The following CBLB variants were observed in gnomAD, a reference collection of about 807,000 sequenced individuals.
The protein encoded by CBLB is Cbl proto-oncogene B, also known as E3 ubiquitin-protein ligase CBL-B.
A neutral mutation model predicts 104.9 loss-of-function variants in CBLB; 31 were observed. The ratio of observed to expected loss-of-function variants is 0.30; its 90% CI spans 0.22 to 0.40. The LOEUF is 0.40. Ranked by LOEUF, CBLB falls within the 10% of genes least tolerant of loss-of-function variation. The pLI is 1.00. For missense variants in CBLB, 1,062 were observed against 1,214.6 expected (o/e 0.87, Z 1.87); for synonymous variants, 440 against 422.6 (o/e 1.04, Z -0.51).
intron 9 of CBLB, among the ~76,000 whole-genome samples, chr3:105,729,994 G>A (rs2074134026): frequency 6.6e-6 from 1 of 152,048 alleles, no homozygotes; most frequent in Non-Finnish European, 1.5e-5. Flanking sequence ...AAGTAGAAAT[G>A]TTCAAAAGTT....
At chr3:105,673,564 T>C (rs952253541) in intron 17 of CBLB, 4 of 152,186 alleles carry the variant, frequency 2.6e-5, no homozygotes, top group African/African-American at 4.8e-5. Flanking sequence ...CAGAAACTAA[T>C]GCTAAAAAAG....
At chr3:105,735,559 T>A (rs920784124) in intron 8 of CBLB, among the ~76,000 whole-genome samples, 1 of 152,192 alleles carries the variant, frequency 6.6e-6, no homozygotes, top group Non-Finnish European at 1.5e-5. Context: ...AATGGCTTTA[T>A]AAAGAGGAAC....
intron 18 of CBLB, among the ~76,000 whole-genome samples, chr3:105,660,952 T>C (rs1056694377): frequency 2.7e-5 from 4 of 146,092 alleles, no homozygotes; most frequent in Non-Finnish European, 6.0e-5. Flanking sequence ...CCACATCAAA[T>C]AGGATGTCTT....
At chr3:105,737,413 C>T (rs1447085623) in intron 7 of CBLB, among the ~76,000 whole-genome samples, 155 bp from the exon 8 acceptor site, 2 of 151,964 alleles carry the variant, frequency 1.3e-5, no homozygotes, top group Non-Finnish European at 1.5e-5. Flanking sequence ...TTCCAAATTA[C>T]TATGTTGTTT....
upstream of CBLB, chr3:105,869,216 T>C (rs1578060234): frequency 1.6e-6 from 1 of 640,468 alleles, no homozygotes; most frequent in Middle Eastern, 2.9e-4. Flanking sequence ...GAAGGCCCGC[T>C]CGCAGCACGT....
intron 18 of CBLB, among the ~76,000 whole-genome samples, chr3:105,665,890 A>G (rs1460503895): frequency 2.6e-5 from 4 of 151,642 alleles, no homozygotes; most frequent in East Asian, 3.9e-4. Flanking sequence ...TTAGCTGGGC[A>G]TGGTGGTGGG....
intron 3 of CBLB, among the ~76,000 whole-genome samples, chr3:105,847,613 C>T (rs1023162441): frequency 1.3e-5 from 2 of 151,674 alleles, no homozygotes; most frequent in African/African-American, 4.8e-5. Context: ...CCTCAGTTGA[C>T]TTTTTTTCCA....
Position 105,702,476 on chromosome 3 carries a change from G to GAAAAAAAAAAAAAAAAAAGAAA in CBLB, c.1594-18_1594-17insTTTCTTTTTTTTTTTTTTTTTT. 1 of 277,060 alleles carries GAAAAAAAAAAAAAAAAAAGAAA rather than the reference G, an allele frequency of 3.6e-6. No individual in the cohort carries two copies. Among genetic ancestry groups the GAAAAAAAAAAAAAAAAAAGAAA allele is most frequent in the Admixed American group, 8.6e-5 (1 of 11,668 alleles). 17.2% of individuals were successfully genotyped at this position (277,060 alleles called of 1,614,324 possible). A position where few individuals can be genotyped will look rare whatever the true frequency, so the allele number is the denominator to read the frequency against. On this transcript the variant is annotated splice_polypyrimidine_tract_variant and intron_variant, in intron 11 of 18. Coordinates refer to ENST00000394030, the MANE Select transcript of CBLB (RefSeq NM_170662.5). ...AGGAGAAGACTAAAGAAACAGAAGA[G>GAAAAAAAAAAAAAAAAAAGAAA]AAAAAAAAAAAAAAAAAAAAAAACT... is the stretch of plus-strand genomic sequence containing the variant.
At chr3:105,837,048 T>C (rs1359813102) in intron 3 of CBLB, among the ~76,000 whole-genome samples, 3 of 151,636 alleles carry the variant, frequency 2.0e-5, no homozygotes, top group Non-Finnish European at 2.9e-5. Flanking sequence ...GAAAAAGAGA[T>C]AGCAGTTAAG....
At chr3:105,756,623 T>C (rs2077106237) in intron 4 of CBLB, among the ~76,000 whole-genome samples, 1 of 152,180 alleles carries the variant, frequency 6.6e-6, no homozygotes, top group South Asian at 2.1e-4. Flanking sequence ...CTGAACTTTA[T>C]GGGACATGCA....
chr3:105,805,992 C>T (rs1462872927), intron 3 of CBLB, among the ~76,000 whole-genome samples: 2 of 150,100 alleles, frequency 1.3e-5, no homozygotes, highest in African/African-American at 4.9e-5. Context: ...GTCACATAAA[C>T]CACTATGTTC....
At chr3:105,769,232 C>A (rs6437614) in intron 4 of CBLB, among the ~76,000 whole-genome samples, 31,825 of 151,920 alleles carry the variant, frequency 0.21, 3,441 homozygotes, top group Admixed American at 0.26. Flanking sequence ...GAGGGAGAAT[C>A]GCTTGAACCC....
intron 3 of CBLB, among the ~76,000 whole-genome samples, chr3:105,790,470 C>G (rs906472628): frequency 6.6e-6 from 1 of 152,130 alleles, no homozygotes. Flanking sequence ...ATATGGAGTT[C>G]CATCGACTTT....
chr3:105,772,874 T>A (rs1006910449), intron 4 of CBLB, among the ~76,000 whole-genome samples: 2 of 152,188 alleles, frequency 1.3e-5, no homozygotes, highest in Admixed American at 1.3e-4. Flanking sequence ...TTGTTAAACA[T>A]CTTTAAAAAC....
At chr3:105,847,880 T>C (rs547876833) in intron 3 of CBLB, among the ~76,000 whole-genome samples, 1 of 152,238 alleles carries the variant, frequency 6.6e-6, no homozygotes, top group Admixed American at 6.5e-5. Flanking sequence ...AATTATACAT[T>C]TGTTAGCAAT....
chr3:105,784,862 T>C (rs1161957183), intron 3 of CBLB, among the ~76,000 whole-genome samples: 1 of 152,212 alleles, frequency 6.6e-6, no homozygotes, highest in Non-Finnish European at 1.5e-5. Context: ...CTACTTCTGT[T>C]TTCTCCCCAA....
rs567255932 is a variant in CBLB at position 105,791,452 on chromosome 3, C to G, written c.420-14910G>C. On this transcript the variant is annotated intron_variant, in intron 3 of 18. Coordinates refer to ENST00000394030, the MANE Select transcript of CBLB (RefSeq NM_170662.5). ...AAGAAATATATCCTTTATTCATGAT[C>G]TAAAATAGAATACTGAGCGAATATG... 2.6e-5 allele frequency among the ~76,000 whole-genome samples: 4 copies of G among 152,216 alleles called. No homozygotes were observed. In the South Asian group the frequency reaches 8.3e-4, roughly 32 times the overall value.
chr3:105,665,583 T>C (rs2053626), intron 18 of CBLB, among the ~76,000 whole-genome samples: 26,071 of 146,906 alleles, frequency 0.18, 2,720 homozygotes, highest in East Asian at 0.52. Context: ...TATATAACCA[T>C]ATATTTGTAT....
intron 3 of CBLB, among the ~76,000 whole-genome samples, chr3:105,808,095 T>A (rs979536027): frequency 6.6e-6 from 1 of 152,226 alleles, no homozygotes; most frequent in Non-Finnish European, 1.5e-5. Context: ...CTTAACTATT[T>A]AAGCTTCAGT....
Sources: gnomAD v4.1 joint callset for allele counts (sites outside exome capture counted in the v4.1 genomes callset) on GRCh38, gnomAD v4.1.1 for gene constraint, MANE v1.5 for transcripts, NCBI Gene and HGNC (gene_info 2026-07-23, HGNC 2026-07-21) for gene names.